Variants in TTC7A observed in about 807,000 individuals in gnomAD.
TTC7A encodes tetratricopeptide repeat protein 7A.
Under a neutral mutation model 103.7 loss-of-function variants are expected in TTC7A, and 110 were observed. That is an observed-to-expected ratio of 1.06 (90% CI 0.91 to 1.24). The LOEUF (loss-of-function observed/expected upper bound fraction) is 1.24. Among genes scored for constraint, TTC7A ranks in the 50% most tolerant of loss-of-function variants. TTC7A has a pLI of 0.00. For synonymous variants in TTC7A, 521 were observed against 467.9 expected, an observed-to-expected ratio of 1.11 and a Z score of -1.47; for missense variants, 1,340 against 1,116.3, an observed-to-expected ratio of 1.20 and a Z score of -2.86.
At chr2:46,928,121 G>A (rs139321324) in intron 2 of TTC7A, among the ~76,000 whole-genome samples, 123 of 151,254 alleles carry the variant, frequency 8.1e-4, no homozygotes, top group Middle Eastern at 3.4e-3. Context: ...CTAACTCCTC[G>A]GCTCAGGTGA....
chr2:47,022,037 C>T (rs373286642), intron 12 of TTC7A, 58 bp downstream of exon 12: 12 of 1,306,056 alleles, frequency 9.2e-6, no homozygotes, highest in Non-Finnish European at 9.8e-6. Flanking sequence ...TCCTAACTGC[C>T]TCAGAGGCAT....
At chr2:47,014,779 T>C (rs1678462879) in intron 11 of TTC7A, among the ~76,000 whole-genome samples, 1 of 152,222 alleles carries the variant, frequency 6.6e-6, no homozygotes, top group Non-Finnish European at 1.5e-5. Context: ...TTGGCCTGGG[T>C]TGCAGAAAGG....
chr2:47,035,121 AT>A (rs1481700489), intron 15 of TTC7A, among the ~76,000 whole-genome samples: 20 of 152,156 alleles, frequency 1.3e-4, no homozygotes, highest in African/African-American at 4.6e-4. Context: ...CTCGTGGTAT[AT>A]TCCAATGAGC....
chr2:47,011,223 G>C, intron 10 of TTC7A, 108 bp from the exon 11 acceptor site: 1 of 1,026,308 alleles, frequency 9.7e-7, no homozygotes, highest in Non-Finnish European at 1.4e-6. Context: ...GCTCCTGAGA[G>C]CAAAGGGATA....
At chr2:47,037,355 G>A (rs1681228571) in intron 15 of TTC7A, among the ~76,000 whole-genome samples, 2 of 152,362 alleles carry the variant, frequency 1.3e-5, no homozygotes, top group South Asian at 4.1e-4. Context: ...CAATGGGAGG[G>A]AGCTGTTTTG....
intron 2 of TTC7A, among the ~76,000 whole-genome samples, chr2:46,934,281 CAG>C (rs1457690119): frequency 1.3e-5 from 2 of 152,182 alleles, no homozygotes; most frequent in African/African-American, 4.8e-5. Context: ...GTTTTTGAGA[CAG>C]AGTCTTGCTC....
chr2:47,031,699 C>G (rs1485977865), intron 15 of TTC7A, among the ~76,000 whole-genome samples: 1 of 152,256 alleles, frequency 6.6e-6, no homozygotes, highest in African/African-American at 2.4e-5. Flanking sequence ...CCAGTTCCAG[C>G]TGAGGGGGCC....
At chr2:47,004,846 C>G (rs1381404195) in intron 8 of TTC7A, among the ~76,000 whole-genome samples, 3 of 152,054 alleles carry the variant, frequency 2.0e-5, no homozygotes, top group Admixed American at 2.0e-4. Flanking sequence ...ATGACTCCTG[C>G]AGCTGAGGAG....
chr2:46,959,060 C>T (rs530962418), intron 3 of TTC7A, among the ~76,000 whole-genome samples: 15 of 152,248 alleles, frequency 9.9e-5, no homozygotes, highest in East Asian at 1.9e-4. Flanking sequence ...GACTCATGCG[C>T]GGATCTCACA....
chr2:46,982,673 C>G lies in TTC7A; in HGVS notation c.764+3766C>G, dbSNP rs927392791. Among the ~76,000 whole-genome samples the G allele has an allele frequency of 2.6e-5, 4 of 152,306 alleles. No homozygotes were observed. In the East Asian group the frequency reaches 7.7e-4, roughly 29 times the overall value. ...CCCACCCACCCATCCACCAGGGTGC[C>G]TGATAGATCACAGCTGCCTGGAATT... On this transcript the variant is annotated intron_variant, in intron 5 of 19. Coordinates refer to ENST00000319190, the MANE Select transcript of TTC7A (RefSeq NM_020458.4).
At chr2:46,955,311 C>G (rs1671755827) in intron 2 of TTC7A, among the ~76,000 whole-genome samples, 1 of 152,220 alleles carries the variant, frequency 6.6e-6, no homozygotes, top group African/African-American at 2.4e-5. Context: ...GGCCACATAC[C>G]TCTGGGATGT....
intron 11 of TTC7A, 77 bp downstream of exon 11, chr2:47,011,512 G>A (rs1309324989): frequency 8.7e-6 from 10 of 1,155,536 alleles, no homozygotes; most frequent in East Asian, 5.1e-5. Context: ...ACGTCTTGAC[G>A]TGTATGTGTG....
At chr2:47,032,344 G>A (rs890980081) in intron 15 of TTC7A, among the ~76,000 whole-genome samples, 1 of 152,242 alleles carries the variant, frequency 6.6e-6, no homozygotes. Context: ...AATGTGCAGA[G>A]TAACTGTGCC....
chr2:47,044,146 C>G (rs941593188), intron 15 of TTC7A, among the ~76,000 whole-genome samples: 1 of 152,144 alleles, frequency 6.6e-6, no homozygotes. Flanking sequence ...CCCTCCACAC[C>G]GGAGCCTCTT....
chr2:47,004,664 G>A (rs1029882682), intron 8 of TTC7A, among the ~76,000 whole-genome samples: 4 of 152,042 alleles, frequency 2.6e-5, no homozygotes, highest in Non-Finnish European at 4.4e-5. Flanking sequence ...TGGCAGAGGG[G>A]AATGAGCAGG....
At chr2:46,999,924 T>G (rs1676620342) in intron 8 of TTC7A, 10 of 984,546 alleles carry the variant, frequency 1.0e-5, no homozygotes, top group Non-Finnish European at 8.4e-6. Flanking sequence ...ACTCTGCAGA[T>G]TAACAGACTT....
intron 3 of TTC7A, among the ~76,000 whole-genome samples, chr2:46,961,605 A>AAATT (rs377767079): frequency 7.1e-6 from 1 of 140,860 alleles, no homozygotes; most frequent in Non-Finnish European, 1.6e-5. Context: ...ATAAATAAAT[A>AAATT]AAATAAAAAA....
intron 8 of TTC7A, chr2:46,999,462 A>G: frequency 1.0e-6 from 1 of 985,084 alleles, no homozygotes; most frequent in South Asian, 4.7e-5. Flanking sequence ...TCCACCCACC[A>G]TGTATCCATC....
chr2:47,071,371 C>G (rs1183536515), intron 19 of TTC7A, among the ~76,000 whole-genome samples: 2 of 152,142 alleles, frequency 1.3e-5, no homozygotes, highest in Non-Finnish European at 2.9e-5. Flanking sequence ...ACAGTCCTCC[C>G]CCACAGAGAG....
Sources: allele counts gnomAD v4.1 joint callset (sites outside exome capture counted in the v4.1 genomes callset), GRCh38; gene constraint gnomAD v4.1.1; transcripts MANE v1.5; gene names NCBI Gene and HGNC (gene_info 2026-07-23, HGNC 2026-07-21).